RBMXL1: variants seen among roughly 807,000 people sequenced by gnomAD.
The protein encoded by RBMXL1 is RNA binding motif protein, X-linked-like-1.
RBMXL1 carries 18 observed loss-of-function variants against 29.0 expected under a neutral mutation model. The observed-to-expected ratio is 0.62, with a 90% CI of 0.43 to 0.92. The LOEUF is 0.92. Among genes scored for constraint, RBMXL1 ranks in the 40% least tolerant of loss-of-function variants. The pLI is 0.00. For missense variants in RBMXL1, 403 were observed against 495.8 expected (o/e 0.81, Z 1.78); for synonymous variants, 141 against 170.4 (o/e 0.83, Z 1.34).
At chr1:88,988,716 TC>T (rs1293735843) in intron 1 of RBMXL1, among the ~76,000 whole-genome samples, 1 of 152,238 alleles carries the variant, frequency 6.6e-6, no homozygotes, top group Non-Finnish European at 1.5e-5. Flanking sequence ...TAGGAACTAC[TC>T]AAATTTCAGA....
In RBMXL1 at chr1:88,983,188, C is replaced by A. The variant is rs1242764356; in HGVS notation, c.639G>T (p.Gly213=). 2 of 1,612,718 alleles carry A rather than the reference C, an allele frequency of 1.2e-6. No individual in the cohort carries two copies. The highest frequency in any genetic ancestry group is 1.7e-6 in the Non-Finnish European group (2 of 1,180,004). The stretch of plus-strand genomic sequence containing the variant: ...TTGAATAGCTGTCTTTAGTAGAATA[C>A]CCATCATCTCTTGGGGACAAATAAA... ...RDVYLSPRDD[G]YSTKDSYSSR... The change falls in exon 3 of 3, where the codon GGG becomes GGT. Residue 213 remains glycine (G), a synonymous_variant. Coordinates refer to ENST00000652648, the MANE Select transcript of RBMXL1 (RefSeq NM_001162536.3).
At chr1:88,988,550 C>T (rs1040534127) in intron 1 of RBMXL1, among the ~76,000 whole-genome samples, 199 bp from the exon 2 acceptor site, 5 of 152,164 alleles carry the variant, frequency 3.3e-5, no homozygotes, top group African/African-American at 1.2e-4. Flanking sequence ...TAAATGTATT[C>T]TTCCTACACA....
At chr1:88,986,288 T>C (rs920177267) in intron 2 of RBMXL1, among the ~76,000 whole-genome samples, 18 of 150,632 alleles carry the variant, frequency 1.2e-4, no homozygotes, top group African/African-American at 4.2e-4. Context: ...GCTTCTCTGG[T>C]GGACATTTAA....
chr1:88,989,494 C>G (rs1677661410), intron 1 of RBMXL1, among the ~76,000 whole-genome samples: 1 of 152,144 alleles, frequency 6.6e-6, no homozygotes, highest in South Asian at 2.1e-4. Flanking sequence ...AGCGGGAACC[C>G]TCTAACGACA....
chr1:88,983,483 C>T lies in RBMXL1; in HGVS notation c.344G>A (p.Gly115Glu). Residue 115 changes from glycine (G) to glutamate (E), a missense_variant, in exon 3 of 3, where the codon GGA (glycine) becomes GAA (glutamate). Gly to Glu is a moderately conservative substitution (Grantham distance 98). Transcript: ENST00000652648. The stretch of plus-strand genomic sequence containing the variant: ...AGGAGGTCCCCTGGTTCCTCCACTT[C>T]CTCCTCTTCCAGCTCCAAAACCTCT... The part of the protein sequence containing the change: ...PPRGFGAGRG[G>E]SGGTRGPPSR... The T allele has an allele frequency of 1.9e-6, 3 of 1,614,160 alleles. No individual in the cohort carries two copies. The highest frequency in any genetic ancestry group is 2.5e-6 in the Non-Finnish European group (3 of 1,180,020).
intron 2 of RBMXL1, among the ~76,000 whole-genome samples, chr1:88,986,364 G>A (rs1439739992): frequency 6.6e-6 from 1 of 151,312 alleles, no homozygotes; most frequent in Non-Finnish European, 1.5e-5. Flanking sequence ...GGTGGCTCAC[G>A]CCTGTAATCC....
At position 88,988,337 on chromosome 1, in the gene RBMXL1, T is replaced by C; in HGVS notation, c.-326A>G. On this transcript the variant is annotated 5_prime_UTR_variant, in exon 2 of 3. Coordinates refer to ENST00000652648, the MANE Select transcript of RBMXL1 (RefSeq NM_001162536.3). Reference sequence around the variant, plus strand: ...ACCGCTAAGAGAGCAGAGGCTCCTCTGGGCCAAAAACATGCTATTAAATAA... The same window carrying C: ...ACCGCTAAGAGAGCAGAGGCTCCTCCGGGCCAAAAACATGCTATTAAATAA... 1 of 1,611,858 alleles carries C rather than the reference T, an allele frequency of 6.2e-7. No homozygotes were observed. The highest frequency in any genetic ancestry group is 1.1e-5 in the South Asian group (1 of 90,700).
At chr1:88,984,900 T>C (rs1411611443) in intron 2 of RBMXL1, among the ~76,000 whole-genome samples, 2 of 152,282 alleles carry the variant, frequency 1.3e-5, no homozygotes, top group African/African-American at 4.8e-5. Flanking sequence ...TATGAATTTG[T>C]GCTTTTTGAC....
rs12068241 is a variant in RBMXL1, at chr1:88,985,428, A to C, written c.-240-1362T>G. Among the ~76,000 whole-genome samples the C allele has an allele frequency of 2.4e-3, 367 of 152,346 alleles. 3 individuals are homozygous for C. Among genetic ancestry groups the C allele is most frequent in the African/African-American group, 8.7e-3 (360 of 41,572 alleles). On this transcript the variant is annotated intron_variant, in intron 2 of 2. Transcript: ENST00000652648. ...TTCTTCTGGGCACATGAAACAGAAGATTGGTAAGTTTGAATCTGGGCAAGT... is the reference window on the plus strand; with the variant it reads ...TTCTTCTGGGCACATGAAACAGAAGCTTGGTAAGTTTGAATCTGGGCAAGT...
In RBMXL1 at chr1:88,982,877, C is replaced by G; in HGVS notation, c.950G>C (p.Arg317Pro). The change falls in exon 3 of 3, where the codon CGT (arginine) becomes CCT (proline). Residue 317 changes from arginine (R) to proline (P), a missense_variant. Transcript: ENST00000652648. ...GTCTCGACTTCCACCATATCCATCA[C>G]GTGAGCTGCTATAATCATCATAGCG... ...SSRYDDYSSSRDGYGGSRDSY... is the reference protein window; with the variant it reads ...SSRYDDYSSSPDGYGGSRDSY... 1 of 1,613,994 alleles carries G rather than the reference C, an allele frequency of 6.2e-7. No homozygotes were observed. Among genetic ancestry groups the G allele is most frequent in the Non-Finnish European group, 8.5e-7 (1 of 1,179,878 alleles).
intron 2 of RBMXL1, among the ~76,000 whole-genome samples, chr1:88,985,841 T>C (rs1677417017): frequency 6.6e-6 from 1 of 152,084 alleles, no homozygotes; most frequent in Non-Finnish European, 1.5e-5. Context: ...GGCAAAGAGA[T>C]ATTGGGTATG....
rs1265310638 is a variant in RBMXL1, at chr1:88,982,859, C to T, written c.968G>A (p.Ser323Asn). The T allele has an allele frequency of 1.9e-6, 3 of 1,614,020 alleles. No individual in the cohort carries two copies. The South Asian group carries it at 3.3e-5, about 18-fold the overall frequency. Residue 323 changes from serine to asparagine, a missense_variant, in exon 3 of 3, where the codon AGT becomes AAT. By Grantham distance (46) the Ser-to-Asn change is conservative. Coordinates refer to ENST00000652648, the MANE Select transcript of RBMXL1 (RefSeq NM_001162536.3). The stretch of plus-strand genomic sequence containing the variant: ...TCGGCTGCTTGAGTAACTGTCTCGA[C>T]TTCCACCATATCCATCACGTGAGCT... ...YSSSRDGYGG[S>N]RDSYSSSRSD...
chr1:88,987,220 T>C (rs971968040), intron 2 of RBMXL1, among the ~76,000 whole-genome samples: 1 of 152,226 alleles, frequency 6.6e-6, no homozygotes, highest in African/African-American at 2.4e-5. Flanking sequence ...AAATGAGGAT[T>C]GTGCACACAA....
intron 2 of RBMXL1, among the ~76,000 whole-genome samples, chr1:88,985,797 T>C (rs1166489144): frequency 6.6e-6 from 1 of 152,194 alleles, no homozygotes; most frequent in Admixed American, 6.5e-5. Context: ...TTCTCTTAGA[T>C]ACAAGTAAGG....
chr1:88,988,325 C>G lies in RBMXL1; in HGVS notation c.-314G>C, dbSNP rs1400112213. On this transcript the variant is annotated 5_prime_UTR_variant, in exon 2 of 3. Transcript: ENST00000652648. ...GAATTTTGCTCTACCGCTAAGAGAG[C>G]AGAGGCTCCTCTGGGCCAAAAACAT... 2 of 1,612,896 alleles carry G rather than the reference C, an allele frequency of 1.2e-6. No homozygotes were observed. Among genetic ancestry groups the G allele is most frequent in the East Asian group, 4.5e-5 (2 of 44,850 alleles).
In RBMXL1 at chr1:88,983,507, C is replaced by T. The variant is rs532260396; in HGVS notation, c.320G>A (p.Arg107Lys). Residue 107 changes from arginine to lysine, a missense_variant, in exon 3 of 3, where the codon AGA (arginine) becomes AAA (lysine). Physicochemically the swap from Arg to Lys is conservative, Grantham distance 26. Coordinates refer to ENST00000652648, the MANE Select transcript of RBMXL1 (RefSeq NM_001162536.3). ...PPPPRSRGPP[R>K]GFGAGRGGSG... is the part of the protein sequence containing the mutation. ...TCCTCCTCTTCCAGCTCCAAAACCT[C>T]TTGGAGGACCTCTACTTCTTGGAGG... is the stretch of plus-strand genomic sequence containing the variant. 1 of 1,613,918 alleles carries T rather than the reference C, an allele frequency of 6.2e-7. No homozygotes were observed. The highest frequency in any genetic ancestry group is 1.7e-5 in the Admixed American group (1 of 59,998).
In RBMXL1 at chr1:88,983,299, T is replaced by C. The variant is rs771409439; in HGVS notation, c.528A>G (p.Gly176=). The part of the protein sequence containing the change: ...APSGLVRSSS[G]MGGRAPLSRG... Reference sequence around the variant, plus strand: ...GTGATAGAGGAGCTCTTCCTCCCATTCCACTGCTGCTGCGAACTAGTCCTG... The same window carrying C: ...GTGATAGAGGAGCTCTTCCTCCCATCCCACTGCTGCTGCGAACTAGTCCTG... The change falls in exon 3 of 3, where the codon GGA becomes GGG. Residue 176 remains glycine (G), a synonymous_variant. Transcript: ENST00000652648. 7 of 1,613,856 alleles carry C rather than the reference T, an allele frequency of 4.3e-6. No individual in the cohort carries two copies. The highest frequency in any genetic ancestry group is 5.9e-6 in the Non-Finnish European group (7 of 1,180,002).
At chr1:88,988,989 G>A (rs762398441) in intron 1 of RBMXL1, among the ~76,000 whole-genome samples, 36 of 152,202 alleles carry the variant, frequency 2.4e-4, no homozygotes, top group Non-Finnish European at 4.1e-4. Context: ...ATTGATATCC[G>A]TCATGGGTAA....
In RBMXL1 at chr1:88,983,614, T is replaced by C. The variant is rs1440226219; in HGVS notation, c.213A>G (p.Gly71=). The stretch of plus-strand genomic sequence containing the variant: ...TGATGGCTTTTCCATCTAATGACTT[T>C]CCATTCATGTCTCTGGCTGCATCCT... ...DAKDAARDMN[G]KSLDGKAIKV... is the part of the protein sequence containing the mutation. Residue 71 remains glycine, a synonymous_variant, in exon 3 of 3, where the codon GGA becomes GGG. Transcript: ENST00000652648. 1.9e-6 allele frequency: 3 copies of C among 1,613,974 alleles called. No homozygotes were observed. Among genetic ancestry groups the C allele is most frequent in the African/African-American group, 1.3e-5 (1 of 74,934 alleles).
Sources: allele counts gnomAD v4.1 joint callset (sites outside exome capture counted in the v4.1 genomes callset), GRCh38; gene constraint gnomAD v4.1.1; transcripts MANE v1.5; gene names NCBI Gene and HGNC (gene_info 2026-07-23, HGNC 2026-07-21).